COLEC12: variants seen among roughly 807,000 people sequenced by gnomAD.
The protein encoded by COLEC12 is collectin-12.
A neutral mutation model predicts 71.1 loss-of-function variants in COLEC12; 33 were observed. That is an observed-to-expected ratio of 0.46 (90% CI 0.35 to 0.62). The LOEUF (loss-of-function observed/expected upper bound fraction) is 0.62, where lower values mean the gene tolerates loss of function less well. Among genes scored for constraint, COLEC12 ranks in the 20% least tolerant of loss-of-function variants. COLEC12 has a pLI of 0.00. For synonymous variants in COLEC12, 350 were observed against 353.0 expected (o/e 0.99, Z 0.10); for missense variants, 765 against 916.1 (o/e 0.84, Z 2.13).
intron 1 of COLEC12, among the ~76,000 whole-genome samples, chr18:494,783 G>A (rs1306200954): frequency 6.6e-6 from 1 of 152,126 alleles, no homozygotes; most frequent in Non-Finnish European, 1.5e-5. Flanking sequence ...TTCTTCCACA[G>A]AGCCAGAGAC....
chr18:403,889 C>A (rs1915735445), intron 2 of COLEC12, among the ~76,000 whole-genome samples: 1 of 152,182 alleles, frequency 6.6e-6, no homozygotes, highest in African/African-American at 2.4e-5. Flanking sequence ...ATGGCACAAA[C>A]AAAGGATTGG....
At chr18:338,192 C>T (rs1249392306) in intron 5 of COLEC12, among the ~76,000 whole-genome samples, 1 of 152,236 alleles carries the variant, frequency 6.6e-6, no homozygotes, top group African/African-American at 2.4e-5. Context: ...CTGGCATCCT[C>T]CCAGGCCACT....
chr18:340,858 C>T (rs1011353021), intron 5 of COLEC12, among the ~76,000 whole-genome samples: 1 of 152,194 alleles, frequency 6.6e-6, no homozygotes, highest in Non-Finnish European at 1.5e-5. Flanking sequence ...AAAAGAAATA[C>T]AGTTGGGCTT....
At chr18:454,401 G>C (rs1459704185) in intron 2 of COLEC12, among the ~76,000 whole-genome samples, 2 of 152,196 alleles carry the variant, frequency 1.3e-5, no homozygotes, top group Non-Finnish European at 2.9e-5. Flanking sequence ...CCACTCATCA[G>C]CCGGGCATGG....
intron 2 of COLEC12, among the ~76,000 whole-genome samples, chr18:407,684 T>G (rs1259732757): frequency 6.6e-6 from 1 of 152,210 alleles, no homozygotes; most frequent in Non-Finnish European, 1.5e-5. Context: ...ACGTTAATCT[T>G]GTCCAGAAAC....
chr18:364,295 T>C (rs116381183), intron 2 of COLEC12, among the ~76,000 whole-genome samples: 2,434 of 152,338 alleles, frequency 0.016, 74 homozygotes, highest in African/African-American at 0.056. Context: ...GTATGCAGTG[T>C]CTGCCAGAAT....
chr18:388,121 GC>G (rs1352267425), intron 2 of COLEC12, among the ~76,000 whole-genome samples: 1 of 152,130 alleles, frequency 6.6e-6, no homozygotes, highest in Non-Finnish European at 1.5e-5. Flanking sequence ...CTGTAAAACA[GC>G]CCCAACTAGA....
intron 2 of COLEC12, among the ~76,000 whole-genome samples, chr18:452,881 A>G (rs539845608): frequency 6.6e-6 from 1 of 152,360 alleles, no homozygotes; most frequent in South Asian, 2.1e-4. Context: ...GAGGTGGGAA[A>G]GAATGCTGTG....
At chr18:343,907 A>G (rs565198516) in intron 5 of COLEC12, among the ~76,000 whole-genome samples, 1 of 152,334 alleles carries the variant, frequency 6.6e-6, no homozygotes, top group South Asian at 2.1e-4. Context: ...TTTCAATACT[A>G]GCTGATAAAA....
chr18:381,756 T>A (rs2143562676), intron 2 of COLEC12, among the ~76,000 whole-genome samples: 1 of 152,344 alleles, frequency 6.6e-6, no homozygotes, highest in Non-Finnish European at 1.5e-5. Context: ...AATTATTGTA[T>A]AAATCACGGG....
At chr18:453,019 T>C (rs1916792724) in intron 2 of COLEC12, among the ~76,000 whole-genome samples, 1 of 152,220 alleles carries the variant, frequency 6.6e-6, no homozygotes, top group South Asian at 2.1e-4. Flanking sequence ...ACCAGAGTCA[T>C]CTTTTATTAC....
At chr18:342,853 C>T (rs760499837) in intron 5 of COLEC12, among the ~76,000 whole-genome samples, 2 of 152,170 alleles carry the variant, frequency 1.3e-5, no homozygotes, top group Non-Finnish European at 2.9e-5. Flanking sequence ...CACCTTGGAG[C>T]CTGATTTCAG....
rs765714248 is a variant in COLEC12 at position 346,550 on chromosome 18, G to A, written c.1072C>T (p.Arg358Trp). The A allele has an allele frequency of 4.0e-5, 65 of 1,614,054 alleles. No homozygotes were observed. The Admixed American group carries it at 6.0e-4, about 15-fold the overall frequency. The change falls in exon 5 of 10, where the codon CGG (arginine) becomes TGG (tryptophan). Residue 358 changes from arginine to tryptophan, a missense_variant. Coordinates refer to ENST00000400256, the MANE Select transcript of COLEC12 (RefSeq NM_130386.3). This position sits in a 1 kb window ranked among gnomAD's most constrained non-coding sequence, Gnocchi z 4.0. ...TCATTTAGATTGCTGGTCAGCGTCC[G>A]CAGGTGGTGGGCTGTGTAACTGATA... is the stretch of plus-strand genomic sequence containing the variant. ...SNISYTAHHLRTLTSNLNEVR... is the reference protein window; with the variant it reads ...SNISYTAHHLWTLTSNLNEVR...
chr18:332,399 G>A (rs1914003862), intron 7 of COLEC12, among the ~76,000 whole-genome samples: 1 of 152,210 alleles, frequency 6.6e-6, no homozygotes, highest in East Asian at 1.9e-4. Flanking sequence ...AGAAAGCGCT[G>A]CATTGTTGCT....
Position 335,003 on chromosome 18 carries a change from G to A in COLEC12, c.1555C>T (p.Pro519Ser), listed in dbSNP as rs1290265705. The A allele has an allele frequency of 1.3e-6, 2 of 1,584,130 alleles. No individual in the cohort carries two copies. Among genetic ancestry groups the A allele is most frequent in the Non-Finnish European group, 1.7e-6 (2 of 1,170,738 alleles). ...GSRGSPGKPGPQGSSGDPGPP... is the reference protein window; with the variant it reads ...GSRGSPGKPGSQGSSGDPGPP... ...CCTGGGTCCCCACTGGAGCCCTGAG[G>A]GCCGGGCTTCCCAGGGGAACCACGG... Residue 519 changes from proline (P) to serine (S), a missense_variant, in exon 6 of 10, where the codon CCT becomes TCT. Transcript: ENST00000400256.
intron 8 of COLEC12, among the ~76,000 whole-genome samples, chr18:329,678 C>A (rs891863203): frequency 4.3e-4 from 66 of 152,244 alleles, no homozygotes; most frequent in Middle Eastern, 3.2e-3. Flanking sequence ...AGGCCTGCAG[C>A]AGATATCCAC....
chr18:421,097 T>C (rs1322310247), intron 2 of COLEC12, among the ~76,000 whole-genome samples: 1 of 152,220 alleles, frequency 6.6e-6, no homozygotes, highest in East Asian at 1.9e-4. Flanking sequence ...CTTTAACTTG[T>C]ACAGGGCTAC....
chr18:424,074 C>T lies in COLEC12; in HGVS notation c.58+56633G>A, dbSNP rs535193095. On this transcript the variant is annotated intron_variant, in intron 2 of 9. Coordinates refer to ENST00000400256, the MANE Select transcript of COLEC12 (RefSeq NM_130386.3). ...AACAGCATCTTTTAGAGAGAGAAAA[C>T]AATTATAGAACCAACATCCCTGATC... 3.3e-4 allele frequency: 50 copies of T among 152,320 alleles called. 1 individual carries two copies. The highest frequency in any genetic ancestry group is 2.4e-3 in the Admixed American group (37 of 15,296). The allele number at this position is 152,320 out of a possible 1,614,324, so 9.4% of individuals were successfully genotyped here. A position where few individuals can be genotyped will look rare whatever the true frequency, so the allele number is the denominator to read the frequency against.
At chr18:432,870 A>C (rs1916331959) in intron 2 of COLEC12, among the ~76,000 whole-genome samples, 1 of 152,212 alleles carries the variant, frequency 6.6e-6, no homozygotes, top group African/African-American at 2.4e-5. Flanking sequence ...TGTATTTCTT[A>C]GCCAGTTAAC....
Sources: allele counts gnomAD v4.1 joint callset (sites outside exome capture counted in the v4.1 genomes callset), GRCh38; gene constraint gnomAD v4.1.1; non-coding constraint Gnocchi (gnomAD v3.1); transcripts MANE v1.5; gene names NCBI Gene and HGNC (gene_info 2026-07-23, HGNC 2026-07-21).